Variants in PURB observed in about 807,000 individuals in gnomAD.
The protein encoded by PURB is purine rich element binding protein B.
A neutral mutation model predicts 21.1 loss-of-function variants in PURB; 11 were observed. That is an observed-to-expected ratio of 0.52 (90% CI 0.33 to 0.86). PURB has a LOEUF of 0.86. Among genes scored for constraint, PURB ranks in the 40% least tolerant of loss-of-function variants. The probability of loss-of-function intolerance (pLI) is 0.02; values close to 1 mark genes in which losing one functional copy is unlikely to be tolerated. For missense variants in PURB, 357 were observed against 456.5 expected (o/e 0.78, Z 1.99); for synonymous variants, 246 against 210.8 (o/e 1.17, Z -1.45).
Position 44,877,456 on chromosome 7 carries a change from A to G in PURB, c.*6954T>C, listed in dbSNP as rs1396102110. 1 of 152,220 alleles carries G rather than the reference A, an allele frequency of 6.6e-6. No individual in the cohort carries two copies. The highest frequency in any genetic ancestry group is 2.4e-5 in the African/African-American group (1 of 41,444). The allele number at this position is 152,220 out of a possible 1,614,324, so 9.4% of individuals were successfully genotyped here. On this transcript the variant is annotated 3_prime_UTR_variant, in exon 1 of 1. Coordinates refer to ENST00000395699, the MANE Select transcript of PURB (RefSeq NM_033224.5). The stretch of plus-strand genomic sequence containing the variant: ...TGGACTCTTTATAAGTACGTCCCAT[A>G]CTGACTTAAAGCCAGTTTCTAGACT...
Position 44,884,837 on chromosome 7 carries a change from G to A in PURB, c.512C>T (p.Thr171Ile). The change falls in exon 1 of 1, where the codon ACC (threonine) becomes ATC (isoleucine). Residue 171 changes from threonine (T) to isoleucine (I), a missense_variant. Thr to Ile is a moderately conservative substitution (Grantham distance 89). Coordinates refer to ENST00000395699, the MANE Select transcript of PURB (RefSeq NM_033224.5). ...GAGGCCCTGCGCAGGCAGCGCGATG[G>A]TCTGGCCGCTCTGCAAGCCGCCCGG... ...PGPGGLQSGQ[T>I]IALPAQGLIE... 6.4e-7 allele frequency: 1 copy of A among 1,572,828 alleles called. No individual in the cohort carries two copies. Among genetic ancestry groups the A allele is most frequent in the Non-Finnish European group, 8.6e-7 (1 of 1,160,332 alleles).
chr7:44,877,348 G>A lies in PURB; in HGVS notation c.*7062C>T, dbSNP rs1793814849. On this transcript the variant is annotated 3_prime_UTR_variant, in exon 1 of 1. Coordinates refer to ENST00000395699, the MANE Select transcript of PURB (RefSeq NM_033224.5). ...TCAAAAAAAGAAGTCCAGATACACT[G>A]ACGATCTTAGTTACTATTCAAATAT... 6.6e-6 allele frequency: 1 copy of A among 152,208 alleles called. No homozygotes were observed. The highest frequency in any genetic ancestry group is 1.5e-5 in the Non-Finnish European group (1 of 68,040). 9.4% of individuals were successfully genotyped at this position (152,208 alleles called of 1,614,324 possible). A position where few individuals can be genotyped will look rare whatever the true frequency, so the allele number is the denominator to read the frequency against.
Position 44,883,754 on chromosome 7 carries a change from A to G in PURB, c.*656T>C, listed in dbSNP as rs1562802090. 1 of 152,184 alleles carries G rather than the reference A, an allele frequency of 6.6e-6. No homozygotes were observed. The highest frequency in any genetic ancestry group is 6.5e-5 in the Admixed American group (1 of 15,280). The allele number at this position is 152,184 out of a possible 1,614,324, so 9.4% of individuals were successfully genotyped here. On this transcript the variant is annotated 3_prime_UTR_variant, in exon 1 of 1. Coordinates refer to ENST00000395699, the MANE Select transcript of PURB (RefSeq NM_033224.5). ...CTTGGTCCAGGTTCCATGCAAAACC[A>G]TTTTTTTAAAAAAATGGATCCAATT...
Position 44,879,657 on chromosome 7 carries a change from A to G in PURB, c.*4753T>C, listed in dbSNP as rs1356914023. On this transcript the variant is annotated 3_prime_UTR_variant, in exon 1 of 1. Coordinates refer to ENST00000395699, the MANE Select transcript of PURB (RefSeq NM_033224.5). Reference sequence around the variant, plus strand: ...AAGTAACTTATTAAATTGTGAATGCAGCATTATTTACTCTCCCATCCATTG... The same window carrying G: ...AAGTAACTTATTAAATTGTGAATGCGGCATTATTTACTCTCCCATCCATTG... The G allele has an allele frequency of 6.6e-6, 1 of 152,622 alleles. No individual in the cohort carries two copies. The highest frequency in any genetic ancestry group is 1.5e-5 in the Non-Finnish European group (1 of 68,048). The allele number at this position is 152,622 out of a possible 1,614,324, so 9.5% of individuals were successfully genotyped here.
rs1343358737 is a variant in PURB at position 44,876,769 on chromosome 7, A to G, written c.*7641T>C. On this transcript the variant is annotated 3_prime_UTR_variant, in exon 1 of 1. Coordinates refer to ENST00000395699, the MANE Select transcript of PURB (RefSeq NM_033224.5). The stretch of plus-strand genomic sequence containing the variant: ...CTCTTTAACCAAGGTACTTAAAAAA[A>G]TGAACTTTTTGGTCTCTCAGCAGAT... The G allele has an allele frequency of 6.5e-6, 1 of 152,682 alleles. No homozygotes were observed. The highest frequency in any genetic ancestry group is 2.4e-5 in the African/African-American group (1 of 41,472). The allele number at this position is 152,682 out of a possible 1,614,324, so 9.5% of individuals were successfully genotyped here.
chr7:44,880,816 G>A lies in PURB; in HGVS notation c.*3594C>T, dbSNP rs1231936680. 6.5e-6 allele frequency: 1 copy of A among 152,672 alleles called. No individual in the cohort carries two copies. The highest frequency in any genetic ancestry group is 6.5e-5 in the Admixed American group (1 of 15,278). 9.5% of individuals were successfully genotyped at this position (152,672 alleles called of 1,614,324 possible). ...ATTTTGCAGTAAATAATTATGGAAA[G>A]TGATGTGACAAGTAGCCATGTGTGT... On this transcript the variant is annotated 3_prime_UTR_variant, in exon 1 of 1. Coordinates refer to ENST00000395699, the MANE Select transcript of PURB (RefSeq NM_033224.5).
rs1263666491 is a variant in PURB, at chr7:44,876,338, T to C, written c.*8072A>G. On this transcript the variant is annotated 3_prime_UTR_variant, in exon 1 of 1. Transcript: ENST00000395699. ...TACTTTATTTGTTACAAACATACAA[T>C]TTTTTTTAAATATAGACTGTAAAAC... The C allele has an allele frequency of 6.6e-6, 1 of 152,512 alleles. No homozygotes were observed. Among genetic ancestry groups the C allele is most frequent in the African/African-American group, 2.4e-5 (1 of 41,406 alleles). 9.4% of individuals were successfully genotyped at this position (152,512 alleles called of 1,614,324 possible). A position where few individuals can be genotyped will look rare whatever the true frequency, so the allele number is the denominator to read the frequency against.
rs761226796 is a variant in PURB, at chr7:44,884,646, C to T, written c.703G>A (p.Asp235Asn). 1 of 1,614,212 alleles carries T rather than the reference C, an allele frequency of 6.2e-7. No individual in the cohort carries two copies. Among genetic ancestry groups the T allele is most frequent in the Non-Finnish European group, 8.5e-7 (1 of 1,180,048 alleles). ...ACCCCGTATTTGTTGCAGCCCACAT[C>T]GAAGAAGAAGCGCTTGGAGTCCACG... The part of the protein sequence containing the change: ...ITVDSKRFFF[D>N]VGCNKYGVFL... Residue 235 changes from aspartate to asparagine, a missense_variant, in exon 1 of 1, where the codon GAT (aspartate) becomes AAT (asparagine). Asp to Asn is a conservative substitution (Grantham distance 23). Coordinates refer to ENST00000395699, the MANE Select transcript of PURB (RefSeq NM_033224.5).
Position 44,879,771 on chromosome 7 carries a change from T to C in PURB, c.*4639A>G, listed in dbSNP as rs1793851608. 6.6e-6 allele frequency: 1 copy of C among 152,644 alleles called. No individual in the cohort carries two copies. Among genetic ancestry groups the C allele is most frequent in the Admixed American group, 6.5e-5 (1 of 15,272 alleles). 9.5% of individuals were successfully genotyped at this position (152,644 alleles called of 1,614,324 possible). A position where few individuals can be genotyped will look rare whatever the true frequency, so the allele number is the denominator to read the frequency against. On this transcript the variant is annotated 3_prime_UTR_variant, in exon 1 of 1. Coordinates refer to ENST00000395699, the MANE Select transcript of PURB (RefSeq NM_033224.5). ...CTCTTCTTACACAGAGTTAGAACAA[T>C]ATTCATAAGCAATTATCTAAGGGAG...
chr7:44,878,560 G>A lies in PURB; in HGVS notation c.*5850C>T, dbSNP rs572717362. 3.9e-5 allele frequency: 6 copies of A among 152,426 alleles called. No individual in the cohort carries two copies. Among genetic ancestry groups the A allele is most frequent in the Admixed American group, 6.6e-5 (1 of 15,260 alleles). The allele number at this position is 152,426 out of a possible 1,614,324, so 9.4% of individuals were successfully genotyped here. On this transcript the variant is annotated 3_prime_UTR_variant, in exon 1 of 1. Transcript: ENST00000395699. ...TAACATGACTCTACCTATCCCAATT[G>A]GAATGTCTAATTCAAGAGACATGAG...
chr7:44,885,183 C>T lies in PURB; in HGVS notation c.166G>A (p.Gly56Ser). Residue 56 changes from glycine to serine, a missense_variant, in exon 1 of 1, where the codon GGC (glycine) becomes AGC (serine). Physicochemically the swap from Gly to Ser is moderately conservative, Grantham distance 56. Coordinates refer to ENST00000395699, the MANE Select transcript of PURB (RefSeq NM_033224.5). ...ACCTCGGCGATCTTGAGGAAGCGGC[C>T]CTTGGCGTTCTGCTTCACATCTAAG... ...FYLDVKQNAK[G>S]RFLKIAEVGA... 1 of 1,588,086 alleles carries T rather than the reference C, an allele frequency of 6.3e-7. No homozygotes were observed. The highest frequency in any genetic ancestry group is 8.5e-7 in the Non-Finnish European group (1 of 1,171,224).
In PURB at chr7:44,883,477, T is replaced by C. The variant is rs898046810; in HGVS notation, c.*933A>G. 2.0e-5 allele frequency: 3 copies of C among 152,654 alleles called. No individual in the cohort carries two copies. The highest frequency in any genetic ancestry group is 4.8e-5 in the African/African-American group (2 of 41,450). 9.5% of individuals were successfully genotyped at this position (152,654 alleles called of 1,614,324 possible). ...TTCATACCAAAGCATTTCTTGGTAATGACCTCCATATTTAGAGATCAGGGG... is the reference window on the plus strand; with the variant it reads ...TTCATACCAAAGCATTTCTTGGTAACGACCTCCATATTTAGAGATCAGGGG... On this transcript the variant is annotated 3_prime_UTR_variant, in exon 1 of 1. Transcript: ENST00000395699.
rs1382741805 is a variant in PURB, at chr7:44,883,370, G to T, written c.*1040C>A. ...TTGTAGGTAATCTTCAAGTTTTATG[G>T]TTTAAAATCCAGCCAACCAGTGGCT... is the stretch of plus-strand genomic sequence containing the variant. On this transcript the variant is annotated 3_prime_UTR_variant, in exon 1 of 1. Coordinates refer to ENST00000395699, the MANE Select transcript of PURB (RefSeq NM_033224.5). The T allele has an allele frequency of 6.6e-6, 1 of 152,594 alleles. No individual in the cohort carries two copies. Among genetic ancestry groups the T allele is most frequent in the African/African-American group, 2.4e-5 (1 of 41,446 alleles). The allele number at this position is 152,594 out of a possible 1,614,324, so 9.5% of individuals were successfully genotyped here.
chr7:44,879,699 A>G lies in PURB; in HGVS notation c.*4711T>C, dbSNP rs962841730. ...CATCCATTGGAAACTAGCAAAATGCATTCTGGATCAATAATACAAACCTTC... is the reference window on the plus strand; with the variant it reads ...CATCCATTGGAAACTAGCAAAATGCGTTCTGGATCAATAATACAAACCTTC... On this transcript the variant is annotated 3_prime_UTR_variant, in exon 1 of 1. Coordinates refer to ENST00000395699, the MANE Select transcript of PURB (RefSeq NM_033224.5). 3 of 152,648 alleles carry G rather than the reference A, an allele frequency of 2.0e-5. No homozygotes were observed. Among genetic ancestry groups the G allele is most frequent in the Admixed American group, 2.0e-4 (3 of 15,278 alleles). 9.5% of individuals were successfully genotyped at this position (152,648 alleles called of 1,614,324 possible).
In PURB at chr7:44,876,517, C is replaced by T. The variant is rs1469389472; in HGVS notation, c.*7893G>A. 1 of 152,648 alleles carries T rather than the reference C, an allele frequency of 6.6e-6. No individual in the cohort carries two copies. Among genetic ancestry groups the T allele is most frequent in the Non-Finnish European group, 1.5e-5 (1 of 68,042 alleles). The allele number at this position is 152,648 out of a possible 1,614,324, so 9.5% of individuals were successfully genotyped here. ...AGTCTGAAGCTTCTGACTGTATTCA[C>T]ATTGCTCTTTTGAAGCAGCCCTGCT... On this transcript the variant is annotated 3_prime_UTR_variant, in exon 1 of 1. Coordinates refer to ENST00000395699, the MANE Select transcript of PURB (RefSeq NM_033224.5).
rs1249137514 is a variant in PURB at position 44,885,390 on chromosome 7, CG to C, written c.-43del. 4 of 832,228 alleles carry C rather than the reference CG, an allele frequency of 4.8e-6. No individual in the cohort carries two copies. The highest frequency in any genetic ancestry group is 3.7e-5 in the African/African-American group (2 of 54,044). The allele number at this position is 832,228 out of a possible 1,614,324, so 51.6% of individuals were successfully genotyped here. A position where few individuals can be genotyped will look rare whatever the true frequency, so the allele number is the denominator to read the frequency against. On this transcript the variant is annotated 5_prime_UTR_variant, in exon 1 of 1. Transcript: ENST00000395699. ...TCGCCGCCACCGCCCGCCGCGCTCG[CG>C]CCCCCGCCCTCCGGCTCGCGCTCCG...
rs1793854759 is a variant in PURB, at chr7:44,880,022, T to C, written c.*4388A>G. 2.0e-5 allele frequency: 3 copies of C among 152,206 alleles called. No homozygotes were observed. Among genetic ancestry groups the C allele is most frequent in the African/African-American group, 7.2e-5 (3 of 41,458 alleles). The allele number at this position is 152,206 out of a possible 1,614,324, so 9.4% of individuals were successfully genotyped here. ...TTTAGGGTGTACGAAATTAAAGTTG[T>C]TTTAAGAATTAAAAATAGTGGGACT... On this transcript the variant is annotated 3_prime_UTR_variant, in exon 1 of 1. Coordinates refer to ENST00000395699, the MANE Select transcript of PURB (RefSeq NM_033224.5).
chr7:44,884,721 C>T lies in PURB; in HGVS notation c.628G>A (p.Gly210Ser), dbSNP rs1398721629. 1 of 1,612,758 alleles carries T rather than the reference C, an allele frequency of 6.2e-7. No homozygotes were observed. The highest frequency in any genetic ancestry group is 1.3e-5 in the African/African-American group (1 of 74,910). Reference protein sequence around the residue: ...LAGGPGGGAGGPGGGLYGELP... With the variant: ...LAGGPGGGAGSPGGGLYGELP... Reference sequence around the variant, plus strand: ...TCTCCATACAGGCCGCCCCCTGGGCCCCCGGCGCCGCCTCCCGGGCCGCCT... The same window carrying T: ...TCTCCATACAGGCCGCCCCCTGGGCTCCCGGCGCCGCCTCCCGGGCCGCCT... Residue 210 changes from glycine to serine, a missense_variant, in exon 1 of 1, where the codon GGC becomes AGC. Gly to Ser is a moderately conservative substitution (Grantham distance 56, BLOSUM62 0). Transcript: ENST00000395699.
rs567405013 is a variant in PURB at position 44,877,966 on chromosome 7, C to T, written c.*6444G>A. ...TGATATAATCCAGTTCTTCAGTTCT[C>T]TTGGGACTCTCCCTGCAGTTATGTC... On this transcript the variant is annotated 3_prime_UTR_variant, in exon 1 of 1. Transcript: ENST00000395699. 1 of 152,308 alleles carries T rather than the reference C, an allele frequency of 6.6e-6. No homozygotes were observed. Among genetic ancestry groups the T allele is most frequent in the South Asian group, 2.1e-4 (1 of 4,826 alleles). The allele number at this position is 152,308 out of a possible 1,614,324, so 9.4% of individuals were successfully genotyped here.
Sources: allele counts gnomAD v4.1 joint callset, GRCh38; gene constraint gnomAD v4.1.1; transcripts MANE v1.5; gene names NCBI Gene and HGNC (gene_info 2026-07-23, HGNC 2026-07-21).